Variants in PCCB observed in about 807,000 individuals in gnomAD.
PCCB encodes the protein propionyl-CoA carboxylase subunit beta.
Under a neutral mutation model 60.7 loss-of-function variants are expected in PCCB, and 43 were observed. The ratio of observed to expected loss-of-function variants is 0.71; its 90% CI spans 0.55 to 0.91. The LOEUF (loss-of-function observed/expected upper bound fraction) is 0.91, where lower values mean the gene tolerates loss of function less well. Ranked by LOEUF, PCCB falls within the 40% of genes least tolerant of loss-of-function variation. The probability of loss-of-function intolerance (pLI) is 0.00; values close to 1 mark genes in which losing one functional copy is unlikely to be tolerated. For synonymous variants in PCCB, 276 were observed against 255.9 expected, an observed-to-expected ratio of 1.08 and a Z score of -0.75; for missense variants, 766 against 702.8, an observed-to-expected ratio of 1.09 and a Z score of -1.02.
intron 6 of PCCB, among the ~76,000 whole-genome samples, chr3:136,285,397 C>G (rs975309333): frequency 6.6e-6 from 1 of 152,106 alleles, no homozygotes; most frequent in Non-Finnish European, 1.5e-5. Context: ...ACTAGATCCT[C>G]CCATCAAAAC....
At chr3:136,261,552 A>G (rs1485149625) in intron 4 of PCCB, among the ~76,000 whole-genome samples, 2 of 150,290 alleles carry the variant, frequency 1.3e-5, no homozygotes, top group African/African-American at 4.9e-5. Flanking sequence ...CCTCAGATTA[A>G]CAGATGGGTC....
chr3:136,277,999 T>C (rs143056745), intron 5 of PCCB, among the ~76,000 whole-genome samples: 1 of 152,296 alleles, frequency 6.6e-6, no homozygotes, highest in South Asian at 2.1e-4. Context: ...CTCAGTGTTA[T>C]ATCTTGAAAT....
intron 1 of PCCB, among the ~76,000 whole-genome samples, chr3:136,251,565 T>G (rs2108129834): frequency 6.6e-6 from 1 of 152,326 alleles, no homozygotes; most frequent in South Asian, 2.1e-4. Context: ...TAACAGTTCC[T>G]TTTGACACTT....
chr3:136,326,698 C>T, intron 10 of PCCB, 105 bp from the exon 11 acceptor site: 1 of 818,810 alleles, frequency 1.2e-6, no homozygotes, highest in Admixed American at 1.7e-5. Context: ...AGTGTTGGTG[C>T]CTCCACAGAA....
At chr3:136,265,374 C>T (rs1941958722) in intron 5 of PCCB, among the ~76,000 whole-genome samples, 1 of 152,196 alleles carries the variant, frequency 6.6e-6, no homozygotes, top group Non-Finnish European at 1.5e-5. Context: ...CCCACCTAAC[C>T]ACAGTCAATT....
intron 5 of PCCB, 59 bp downstream of exon 5, chr3:136,262,124 G>A: frequency 9.1e-7 from 1 of 1,098,768 alleles, no homozygotes; most frequent in Non-Finnish European, 1.4e-6. Flanking sequence ...CTAAGCCATG[G>A]CCTGGCCAGA....
chr3:136,282,922 AT>A (rs1942518587), intron 5 of PCCB, among the ~76,000 whole-genome samples: 1 of 152,154 alleles, frequency 6.6e-6, no homozygotes. Context: ...CATTTGGCTC[AT>A]TTTTAGAACC....
intron 14 of PCCB, 105 bp from the exon 15 acceptor site, chr3:136,329,800 C>A: frequency 7.8e-7 from 1 of 1,274,440 alleles, no homozygotes; most frequent in Non-Finnish European, 1.1e-6. Context: ...TTGGGCACTG[C>A]TTATACTGCT....
rs1186828350 is a variant in PCCB at position 136,323,742 on chromosome 3, G to A, written c.1091-3061G>A. On this transcript the variant is annotated intron_variant, in intron 10 of 14. Transcript: ENST00000251654. ...AGAGCTTGCAGTGAGCTGAGATGGC[G>A]CCATTGCACTCCAGCCTGGGTGACA... Among the ~76,000 whole-genome samples the A allele has an allele frequency of 4.0e-5, 6 of 149,162 alleles. No homozygotes were observed. In the South Asian group the frequency reaches 8.5e-4, roughly 21 times the overall value.
chr3:136,329,445 A>T (rs1399063585), intron 14 of PCCB, among the ~76,000 whole-genome samples: 1 of 152,244 alleles, frequency 6.6e-6, no homozygotes, highest in African/African-American at 2.4e-5. Context: ...GAAGTTGCAC[A>T]GTGTCATTTT....
chr3:136,297,332 G>A (rs1253213634), intron 7 of PCCB, among the ~76,000 whole-genome samples: 1 of 152,184 alleles, frequency 6.6e-6, no homozygotes, highest in African/African-American at 2.4e-5. Context: ...AAAGAAAGGA[G>A]TCTGGTGGGA....
At chr3:136,301,707 GCT>G (rs1432420803) in intron 9 of PCCB, among the ~76,000 whole-genome samples, 1 of 152,110 alleles carries the variant, frequency 6.6e-6, no homozygotes, top group East Asian at 1.9e-4. Flanking sequence ...CATCGTGATG[GCT>G]CTCTGGTAAC....
chr3:136,278,382 T>C (rs1442873939), intron 5 of PCCB, among the ~76,000 whole-genome samples: 1 of 152,182 alleles, frequency 6.6e-6, no homozygotes, highest in Non-Finnish European at 1.5e-5. Context: ...GTTAAGTTCC[T>C]GCGTGGCTTC....
At chr3:136,288,266 A>G (rs1933513087) in intron 6 of PCCB, among the ~76,000 whole-genome samples, 3 of 152,166 alleles carry the variant, frequency 2.0e-5, no homozygotes, top group African/African-American at 7.2e-5. Flanking sequence ...TATGTCCATC[A>G]TATCCTGTTT....
intron 8 of PCCB, among the ~76,000 whole-genome samples, chr3:136,300,033 T>TGCATATATGCATGCCCACACAC (rs1394470653): frequency 2.0e-5 from 3 of 151,398 alleles, no homozygotes; most frequent in Non-Finnish European, 2.9e-5. Flanking sequence ...CGCCCACACA[T>TGCATATATGCATGCCCACACAC]GCATATATGC....
At chr3:136,327,040 A>G (rs1161579264) in intron 11 of PCCB, 115 bp from the exon 12 acceptor site, 1 of 1,149,344 alleles carries the variant, frequency 8.7e-7, no homozygotes, top group African/African-American at 1.5e-5. Flanking sequence ...TGTCCAGAAG[A>G]TAGGGCTGTG....
chr3:136,270,938 T>A (rs1057482120), intron 5 of PCCB, among the ~76,000 whole-genome samples: 1 of 152,242 alleles, frequency 6.6e-6, no homozygotes, highest in African/African-American at 2.4e-5. Context: ...ATATCTTCTT[T>A]TGAGAAATGT....
At chr3:136,274,518 A>G (rs1188061709) in intron 5 of PCCB, among the ~76,000 whole-genome samples, 1 of 152,152 alleles carries the variant, frequency 6.6e-6, no homozygotes, top group African/African-American at 2.4e-5. Flanking sequence ...TTTCCTTTAT[A>G]GGTTACCTGA....
At chr3:136,322,693 A>G (rs1174412608) in intron 10 of PCCB, among the ~76,000 whole-genome samples, 1 of 152,124 alleles carries the variant, frequency 6.6e-6, no homozygotes, top group Non-Finnish European at 1.5e-5. Context: ...TGAGATATTT[A>G]TTTCCTAATG....
Sources: gnomAD v4.1 joint callset for allele counts (sites outside exome capture counted in the v4.1 genomes callset) on GRCh38, gnomAD v4.1.1 for gene constraint, MANE v1.5 for transcripts, NCBI Gene and HGNC (gene_info 2026-07-23, HGNC 2026-07-21) for gene names.